Variants in C9orf85 observed in about 807,000 individuals in gnomAD.
The protein encoded by C9orf85 is uncharacterized protein C9orf85.
C9orf85 carries 16 observed loss-of-function variants against 14.9 expected under a neutral mutation model. The ratio of observed to expected loss-of-function variants is 1.08; its 90% confidence interval spans 0.73 to 1.63. C9orf85 has a LOEUF of 1.63. Ranked by LOEUF, C9orf85 falls within the 40% of genes most tolerant of loss-of-function variation. The pLI is 0.00. For missense variants in C9orf85, 172 were observed against 186.1 expected, an observed-to-expected ratio of 0.92 and a Z score of 0.44; for synonymous variants, 45 against 56.8, an observed-to-expected ratio of 0.79 and a Z score of 0.93.
chr9:71,921,336 A>G (rs1387814997), intron 1 of C9orf85, among the ~76,000 whole-genome samples: 3 of 152,174 alleles, frequency 2.0e-5, no homozygotes, highest in Admixed American at 1.3e-4. Flanking sequence ...CTTCATCTAC[A>G]TGACAAGAAC....
chr9:71,971,619 G>GT lies in C9orf85; in HGVS notation c.323+2dup, dbSNP rs1285269624. 1 of 1,579,034 alleles carries GT rather than the reference G, an allele frequency of 6.3e-7. No homozygotes were observed. Among genetic ancestry groups the GT allele is most frequent in the African/African-American group, 1.4e-5 (1 of 74,054 alleles). On this transcript the variant is annotated splice_donor_variant, in intron 3 of 3. Coordinates refer to ENST00000334731, the MANE Select transcript of C9orf85 (RefSeq NM_182505.5). LOFTEE classifies it high-confidence loss of function. Reference sequence around the variant, plus strand: ...GAAAGAAAGAAGACATTGTTATTCCGTGAGTGTTTCCTTTTATGTTTGAAT... The same window carrying GT: ...GAAAGAAAGAAGACATTGTTATTCCGTTGAGTGTTTCCTTTTATGTTTGAAT...
At chr9:71,958,509 G>A (rs147916599) in intron 2 of C9orf85, among the ~76,000 whole-genome samples, 2,718 of 151,934 alleles carry the variant, frequency 0.018, 39 homozygotes, top group Non-Finnish European at 0.025. Context: ...TGATCCGCCC[G>A]CCTCAGCCTC....
downstream of C9orf85, chr9:71,984,396 C>G (rs1195653307): frequency 6.6e-6 from 1 of 152,216 alleles, no homozygotes; most frequent in African/African-American, 2.4e-5. Flanking sequence ...TAGAATAAAT[C>G]TGCTCCTTCT....
At chr9:71,984,335 T>G (rs1328680966), downstream of C9orf85, 2 of 152,248 alleles carry the variant, frequency 1.3e-5, no homozygotes, top group Admixed American at 1.3e-4. Context: ...GCTCTGCACC[T>G]GCAATCTCTG....
chr9:71,922,917 C>G (rs1199638408), intron 1 of C9orf85, among the ~76,000 whole-genome samples: 7 of 152,190 alleles, frequency 4.6e-5, no homozygotes, highest in Admixed American at 4.6e-4. Context: ...ATTACAAGGT[C>G]AGGAGTTTGA....
chr9:71,971,755 C>T lies in C9orf85; in HGVS notation c.323+137C>T, dbSNP rs574431229. 6.6e-5 allele frequency: 36 copies of T among 542,796 alleles called. 1 individual carries two copies. Among genetic ancestry groups the T allele is most frequent in the Middle Eastern group, 9.7e-4 (2 of 2,058 alleles). 33.6% of individuals were successfully genotyped at this position (542,796 alleles called of 1,614,324 possible). A position where few individuals can be genotyped will look rare whatever the true frequency, so the allele number is the denominator to read the frequency against. ...TTGGGAGGCCAAGGCAGGTGGATCA[C>T]GAGGTCAGGAGTTCAAGACCAGACT... is the stretch of plus-strand genomic sequence containing the variant. On this transcript the variant is annotated intron_variant, in intron 3 of 3. Transcript: ENST00000334731.
At chr9:71,982,936 A>C (rs572358047) in exon 4 of C9orf85, 2 of 197,348 alleles carry the variant, frequency 1.0e-5, no homozygotes, top group African/African-American at 5.0e-5. Context: ...GCCTGGCCTA[A>C]TTTGTATATT....
At chr9:71,934,747 G>A (rs1341286151) in intron 1 of C9orf85, among the ~76,000 whole-genome samples, 1 of 152,008 alleles carries the variant, frequency 6.6e-6, no homozygotes, top group Non-Finnish European at 1.5e-5. Context: ...CCTTGTGCCT[G>A]TAGTCCCAGC....
chr9:71,959,110 T>C (rs35964344), intron 2 of C9orf85, among the ~76,000 whole-genome samples: 2,032 of 152,146 alleles, frequency 0.013, 27 homozygotes, highest in Non-Finnish European at 0.019. Flanking sequence ...AAATAAGATA[T>C]TTATTTTAAA....
At chr9:71,962,353 G>A (rs1160966233) in intron 2 of C9orf85, among the ~76,000 whole-genome samples, 3 of 152,184 alleles carry the variant, frequency 2.0e-5, no homozygotes, top group Non-Finnish European at 1.5e-5. Flanking sequence ...CATTCTCTAA[G>A]TAGCATATGA....
At chr9:71,919,458 G>A (rs1375271852) in intron 1 of C9orf85, among the ~76,000 whole-genome samples, 1 of 152,228 alleles carries the variant, frequency 6.6e-6, no homozygotes, top group Admixed American at 6.5e-5. Context: ...TGATTCTAGT[G>A]TTATAGAGGT....
downstream of C9orf85, among the ~76,000 whole-genome samples, chr9:71,977,957 G>T (rs1383913486): frequency 2.0e-5 from 3 of 151,982 alleles, no homozygotes; most frequent in Admixed American, 6.6e-5. Flanking sequence ...ACTTTAATGT[G>T]GTTGCACCTT....
downstream of C9orf85, among the ~76,000 whole-genome samples, chr9:71,976,479 G>C (rs1256684101): frequency 6.6e-6 from 1 of 152,070 alleles, no homozygotes; most frequent in Non-Finnish European, 1.5e-5. Flanking sequence ...TGGCTAACGT[G>C]GTGAAACCCC....
intron 1 of C9orf85, among the ~76,000 whole-genome samples, chr9:71,919,423 T>C (rs978060510): frequency 6.6e-6 from 1 of 152,228 alleles, no homozygotes; most frequent in South Asian, 2.1e-4. Flanking sequence ...TAGATCTGAA[T>C]TGACCATCTC....
At chr9:71,922,005 A>G (rs973892433) in intron 1 of C9orf85, among the ~76,000 whole-genome samples, 3 of 151,890 alleles carry the variant, frequency 2.0e-5, no homozygotes, top group South Asian at 2.1e-4. Flanking sequence ...TAGTGGCGCA[A>G]TCTTGGCTCA....
chr9:71,929,829 C>T (rs562439948), intron 1 of C9orf85, among the ~76,000 whole-genome samples: 2 of 119,542 alleles, frequency 1.7e-5, no homozygotes, highest in Non-Finnish European at 3.7e-5. Context: ...TATAGGAACA[C>T]ATGTTCCACT....
At chr9:71,964,178 T>C (rs571123924) in intron 2 of C9orf85, among the ~76,000 whole-genome samples, 172 of 152,192 alleles carry the variant, frequency 1.1e-3, no homozygotes, top group African/African-American at 3.9e-3. Flanking sequence ...GCTAATCTGG[T>C]GGGGACGTGG....
downstream of C9orf85, among the ~76,000 whole-genome samples, chr9:71,977,824 CT>C (rs1195574102): frequency 2.6e-5 from 4 of 152,122 alleles, no homozygotes; most frequent in African/African-American, 9.7e-5. Flanking sequence ...TTTTTACTGG[CT>C]ACACTGATGG....
At chr9:71,939,699 G>C (rs900999020) in intron 1 of C9orf85, among the ~76,000 whole-genome samples, 2 of 152,158 alleles carry the variant, frequency 1.3e-5, no homozygotes, top group Non-Finnish European at 2.9e-5. Flanking sequence ...TTGAAGTACT[G>C]ATTTCAAGAC....
Sources: gnomAD v4.1 joint callset for allele counts (sites outside exome capture counted in the v4.1 genomes callset) on GRCh38, gnomAD v4.1.1 for gene constraint, MANE v1.5 for transcripts, NCBI Gene and HGNC (gene_info 2026-07-23, HGNC 2026-07-21) for gene names.